Variants in SNX29 observed in about 807,000 individuals in gnomAD.
SNX29 encodes the protein sorting nexin 29.
SNX29 carries 78 observed loss-of-function variants against 102.1 expected under a neutral mutation model. The observed-to-expected ratio is 0.76, with a 90% CI of 0.64 to 0.92. The LOEUF is 0.92. SNX29 is among the 40% of genes least tolerant of loss of function. The pLI, the probability that SNX29 is intolerant of heterozygous loss-of-function variation, is 0.00. For missense variants in SNX29, 1,280 were observed against 1,061.7 expected (o/e 1.21, Z -2.86); for synonymous variants, 580 against 414.5 (o/e 1.40, Z -4.85).
At chr16:12,568,061 G>A (rs141651935) in intron 20 of SNX29, among the ~76,000 whole-genome samples, 25 of 152,198 alleles carry the variant, frequency 1.6e-4, no homozygotes, top group Middle Eastern at 3.4e-3. Context: ...TATTTTCTTA[G>A]GATTAATTCC....
chr16:12,069,916 G>A (rs1473826113), intron 10 of SNX29, among the ~76,000 whole-genome samples: 1 of 151,954 alleles, frequency 6.6e-6, no homozygotes, highest in African/African-American at 2.4e-5. Flanking sequence ...CTGACCTCGT[G>A]ATCCGCCCGC....
At chr16:12,299,218 G>A (rs992673173) in intron 15 of SNX29, among the ~76,000 whole-genome samples, 1 of 152,010 alleles carries the variant, frequency 6.6e-6, no homozygotes, top group Admixed American at 6.6e-5. Context: ...GAGAATCGCT[G>A]GCACCCAGGA....
At chr16:12,489,543 T>G (rs944258414) in intron 19 of SNX29, among the ~76,000 whole-genome samples, 1 of 152,178 alleles carries the variant, frequency 6.6e-6, no homozygotes, top group Non-Finnish European at 1.5e-5. Context: ...CACTCAGCTG[T>G]CACATGGTGG....
intron 13 of SNX29, among the ~76,000 whole-genome samples, chr16:12,196,119 G>C (rs1274744523): frequency 6.6e-6 from 1 of 151,570 alleles, no homozygotes; most frequent in African/African-American, 2.4e-5. Context: ...GGGACAACAG[G>C]TGCATGCCAC....
At chr16:12,120,563 C>T (rs144079769) in intron 11 of SNX29, among the ~76,000 whole-genome samples, 12 of 152,214 alleles carry the variant, frequency 7.9e-5, no homozygotes, top group Non-Finnish European at 1.0e-4. Context: ...GAAGAAGAGA[C>T]GCCTCTCACC....
At chr16:12,563,800 C>T (rs979681440) in intron 20 of SNX29, among the ~76,000 whole-genome samples, 1 of 152,344 alleles carries the variant, frequency 6.6e-6, no homozygotes, top group East Asian at 1.9e-4. Flanking sequence ...CTGCAACACC[C>T]ACCCATTTGC....
chr16:12,509,320 C>A (rs139891711), intron 19 of SNX29, among the ~76,000 whole-genome samples: 68 of 152,260 alleles, frequency 4.5e-4, no homozygotes, highest in Middle Eastern at 6.8e-3. Context: ...CCCAGCGAGC[C>A]CCTCAGCTGG....
chr16:12,433,872 C>G (rs2085420346), intron 18 of SNX29, among the ~76,000 whole-genome samples: 1 of 152,192 alleles, frequency 6.6e-6, no homozygotes, highest in African/African-American at 2.4e-5. Flanking sequence ...CCCTATTCAG[C>G]TTTCTCTGGA....
At chr16:12,123,180 C>T (rs1272238327) in intron 11 of SNX29, among the ~76,000 whole-genome samples, 1 of 152,128 alleles carries the variant, frequency 6.6e-6, no homozygotes, top group African/African-American at 2.4e-5. Context: ...TCAGGGCATA[C>T]AACATGATGA....
intron 13 of SNX29, among the ~76,000 whole-genome samples, chr16:12,196,397 A>G (rs2076773897): frequency 6.6e-6 from 1 of 152,168 alleles, no homozygotes; most frequent in South Asian, 2.1e-4. Context: ...ACTCAGAGGC[A>G]GGTGTTCATG....
intron 14 of SNX29, 129 bp from the exon 15 acceptor site, chr16:12,277,804 G>C: frequency 1.5e-6 from 1 of 683,052 alleles, no homozygotes; most frequent in African/African-American, 1.8e-5. Flanking sequence ...GTAAGTGTGT[G>C]TGTGTGTTTT....
At chr16:12,225,666 G>C (rs1194690526) in intron 14 of SNX29, among the ~76,000 whole-genome samples, 2 of 152,142 alleles carry the variant, frequency 1.3e-5, no homozygotes, top group African/African-American at 4.8e-5. Context: ...GGTCAGCCCA[G>C]GTACAAGTTG....
chr16:12,485,174 T>C (rs1221206158), intron 19 of SNX29, among the ~76,000 whole-genome samples: 1 of 152,136 alleles, frequency 6.6e-6, no homozygotes, highest in African/African-American at 2.4e-5. Context: ...TTTTGCAGAG[T>C]GGGCATGAGG....
intron 20 of SNX29, among the ~76,000 whole-genome samples, chr16:12,550,998 A>C (rs72773372): frequency 2.6e-5 from 4 of 152,190 alleles, no homozygotes; most frequent in Non-Finnish European, 5.9e-5. Context: ...CTCAATCTAA[A>C]TATTTCTTCT....
At chr16:12,128,206 A>G (rs1023269017) in intron 12 of SNX29, among the ~76,000 whole-genome samples, 1 of 152,194 alleles carries the variant, frequency 6.6e-6, no homozygotes. Context: ...TTCTTTGTCC[A>G]TGCTCCAGCT....
chr16:12,047,639 C>T (rs1397060636), intron 6 of SNX29, among the ~76,000 whole-genome samples: 3 of 146,040 alleles, frequency 2.1e-5, no homozygotes, highest in South Asian at 2.2e-4. Context: ...TGCTAAGTTG[C>T]TGGACCAAGG....
intron 13 of SNX29, among the ~76,000 whole-genome samples, chr16:12,165,184 C>T (rs897135474): frequency 2.0e-5 from 3 of 152,192 alleles, no homozygotes; most frequent in South Asian, 2.1e-4. Flanking sequence ...GAGTATAAAT[C>T]GAGTAGGCCT....
At chr16:11,980,556 T>A (rs1444313204) in intron 1 of SNX29, among the ~76,000 whole-genome samples, 1 of 152,226 alleles carries the variant, frequency 6.6e-6, no homozygotes, top group Non-Finnish European at 1.5e-5. Flanking sequence ...GGTCATATGG[T>A]AACTGTTTAA....
intron 15 of SNX29, among the ~76,000 whole-genome samples, chr16:12,320,729 G>C (rs1052679137): frequency 1.3e-5 from 2 of 152,168 alleles, no homozygotes; most frequent in Non-Finnish European, 2.9e-5. Context: ...AGGCCGATAA[G>C]AGAACAACAT....
Sources: gnomAD v4.1 joint callset for allele counts (sites outside exome capture counted in the v4.1 genomes callset) on GRCh38, gnomAD v4.1.1 for gene constraint, MANE v1.5 for transcripts, NCBI Gene and HGNC (gene_info 2026-07-23, HGNC 2026-07-21) for gene names.